Variants in NDUFA10 observed in about 807,000 individuals in gnomAD.
NDUFA10 encodes NADH dehydrogenase [ubiquinone] 1 alpha subcomplex subunit 10, mitochondrial.
NDUFA10 carries 40 observed loss-of-function variants against 47.8 expected under a neutral mutation model. The observed-to-expected ratio is 0.84, with a 90% CI of 0.65 to 1.09. The LOEUF (loss-of-function observed/expected upper bound fraction) is 1.09, where lower values mean the gene tolerates loss of function less well. Among genes scored for constraint, NDUFA10 ranks in the 50% least tolerant of loss-of-function variants. NDUFA10 has a pLI of 0.00. For synonymous variants in NDUFA10, 183 were observed against 172.2 expected (o/e 1.06, Z -0.49); for missense variants, 413 against 451.1 (o/e 0.92, Z 0.76).
intron 4 of NDUFA10, among the ~76,000 whole-genome samples, chr2:239,925,642 C>T (rs1270066109): frequency 2.0e-5 from 3 of 152,220 alleles, no homozygotes; most frequent in East Asian, 3.9e-4. Flanking sequence ...AGACTTGACT[C>T]GTAAAGTATT....
Position 239,906,380 on chromosome 2 carries a change from C to T in NDUFA10, c.295-11066G>A, listed in dbSNP as rs1693656447. ...GCCATTTTCTGGGATACTCAGGGCA[C>T]CTTCACCTCAGCACCCCAGCTGACC... On this transcript the variant is annotated intron_variant, in intron 4 of 5. Transcript: ENST00000419408. This position sits in a 1 kb window ranked among gnomAD's most constrained non-coding sequence, Gnocchi z 4.3. Among the ~76,000 whole-genome samples, 20 of 152,292 alleles carry T rather than the reference C, an allele frequency of 1.3e-4. No individual in the cohort carries two copies. The South Asian group carries it at 3.9e-3, about 30-fold the overall frequency.
intron 4 of NDUFA10, among the ~76,000 whole-genome samples, chr2:239,933,729 A>G (rs1000305169): frequency 1.3e-5 from 2 of 152,080 alleles, no homozygotes; most frequent in African/African-American, 2.4e-5. Context: ...AAGGAATGAT[A>G]TGTAGGGCCC....
chr2:239,929,554 C>T (rs1426021921), intron 4 of NDUFA10, among the ~76,000 whole-genome samples: 1 of 152,116 alleles, frequency 6.6e-6, no homozygotes, highest in African/African-American at 2.4e-5. Context: ...CCGGGAAGTG[C>T]GGCAGCCCTT....
chr2:239,909,426 C>T (rs1693711114), intron 4 of NDUFA10, among the ~76,000 whole-genome samples: 1 of 152,170 alleles, frequency 6.6e-6, no homozygotes, highest in African/African-American at 2.4e-5. Context: ...GTCTGGCCAA[C>T]ATAGTGAAAC....
Position 240,025,322 on chromosome 2 carries a change from A to T in NDUFA10, c.-21T>A, listed in dbSNP as rs1038402461. ...GCCATGGCTACCCGGTCAGCTCAGG[A>T]TCAAGGACCCAAGGGGACGCGGTCG... On this transcript the variant is annotated 5_prime_UTR_variant, in exon 1 of 10. Coordinates refer to ENST00000252711, the MANE Select transcript of NDUFA10 (RefSeq NM_004544.4). 1.1e-5 allele frequency: 17 copies of T among 1,492,728 alleles called. No individual in the cohort carries two copies. Among genetic ancestry groups the T allele is most frequent in the Middle Eastern group, 2.3e-4 (1 of 4,394 alleles). The allele number at this position is 1,492,728 out of a possible 1,614,324, so 92.5% of individuals were successfully genotyped here.
intron 9 of NDUFA10, among the ~76,000 whole-genome samples, chr2:239,968,290 A>G (rs963829600): frequency 6.6e-6 from 1 of 152,308 alleles, no homozygotes; most frequent in East Asian, 1.9e-4. Context: ...GAGGCAGCAA[A>G]TGCACGCAAT....
rs1327391546 is a variant in NDUFA10 at position 239,959,949 on chromosome 2, A to G, written c.*1169T>C. 14 of 985,394 alleles carry G rather than the reference A, an allele frequency of 1.4e-5. No homozygotes were observed. Among genetic ancestry groups the G allele is most frequent in the Non-Finnish European group, 1.7e-5 (14 of 829,956 alleles). 61.0% of individuals were successfully genotyped at this position (985,394 alleles called of 1,614,324 possible). A position where few individuals can be genotyped will look rare whatever the true frequency, so the allele number is the denominator to read the frequency against. On this transcript the variant is annotated 3_prime_UTR_variant, in exon 10 of 10. Coordinates refer to ENST00000252711, the MANE Select transcript of NDUFA10 (RefSeq NM_004544.4). ...GCCTGGTAGAGCTTCCGCGGGGAGC[A>G]GAGCATCGTCCTCTGCACCAGCACT...
At chr2:239,949,952 T>C (rs1433133435) in intron 4 of NDUFA10, among the ~76,000 whole-genome samples, 1 of 152,190 alleles carries the variant, frequency 6.6e-6, no homozygotes, top group African/African-American at 2.4e-5. Context: ...AGGAGAGCCC[T>C]GACTGAGCCT....
intron 4 of NDUFA10, among the ~76,000 whole-genome samples, chr2:239,899,348 GGTGTGATGGAGGA>G (rs1224685030): frequency 8.9e-5 from 8 of 89,770 alleles, no homozygotes; most frequent in South Asian, 5.5e-4. Context: ...GTAAAGGAGG[GGTGTGATGGAGGA>G]GTGTGATGGA....
rs1034997371 is a variant in NDUFA10 at position 239,906,348 on chromosome 2, C to T, written c.295-11034G>A. Reference sequence around the variant, plus strand: ...GCACTGACCACGCCCTGTTGATAGACGCCGAGGCCATTTTCTGGGATACTC... The same window carrying T: ...GCACTGACCACGCCCTGTTGATAGATGCCGAGGCCATTTTCTGGGATACTC... On this transcript the variant is annotated intron_variant, in intron 4 of 5. Transcript: ENST00000419408. This position sits in a 1 kb window ranked among gnomAD's most constrained non-coding sequence, Gnocchi z 4.3. 6.6e-5 allele frequency among the ~76,000 whole-genome samples: 10 copies of T among 152,140 alleles called. No homozygotes were observed. The highest frequency in any genetic ancestry group is 1.7e-4 in the African/African-American group (7 of 41,428).
chr2:239,971,502 G>A (rs2106409181), intron 9 of NDUFA10, among the ~76,000 whole-genome samples: 1 of 152,318 alleles, frequency 6.6e-6, no homozygotes, highest in East Asian at 1.9e-4. Context: ...TCATCACAAA[G>A]TTATGTCCAA....
chr2:239,898,408 A>T (rs1364662050), intron 4 of NDUFA10, among the ~76,000 whole-genome samples: 2 of 152,182 alleles, frequency 1.3e-5, no homozygotes, highest in African/African-American at 4.8e-5. Flanking sequence ...GGTGGCCCCG[A>T]GGGAGCTGCC....
intron 8 of NDUFA10, among the ~76,000 whole-genome samples, chr2:239,995,260 A>C (rs1049366988): frequency 6.6e-6 from 1 of 152,044 alleles, no homozygotes; most frequent in Non-Finnish European, 1.5e-5. Flanking sequence ...TGGGCAACAG[A>C]GCAAGACCCT....
At chr2:239,981,804 T>G (rs1023976466) in intron 9 of NDUFA10, among the ~76,000 whole-genome samples, 1 of 152,130 alleles carries the variant, frequency 6.6e-6, no homozygotes, top group Admixed American at 6.5e-5. Flanking sequence ...TTATAAGGCA[T>G]AGTTTTAGTA....
Position 239,947,556 on chromosome 2 carries a change from G to A in NDUFA10, c.294+42518C>T, listed in dbSNP as rs111903929. ...CCGCCCTCTCTGCGCACCAGACACA[G>A]ACAGGGACGGCTCCTGACTCTCTGA... On this transcript the variant is annotated intron_variant, in intron 4 of 5. Coordinates refer to the NDUFA10 transcript ENST00000419408. Among the ~76,000 whole-genome samples, 700 of 152,188 alleles carry A rather than the reference G, an allele frequency of 4.6e-3. 5 individuals are homozygous for A. Among genetic ancestry groups the A allele is most frequent in the African/African-American group, 0.016 (670 of 41,522 alleles).
intron 3 of NDUFA10, among the ~76,000 whole-genome samples, chr2:240,020,085 C>T (rs962000011): frequency 7.9e-5 from 12 of 151,324 alleles, no homozygotes; most frequent in East Asian, 2.0e-4. Flanking sequence ...TGTGTAGATA[C>T]GTGTCATGGA....
At chr2:239,910,694 C>T (rs558710627) in intron 4 of NDUFA10, among the ~76,000 whole-genome samples, 30 of 152,100 alleles carry the variant, frequency 2.0e-4, no homozygotes, top group Middle Eastern at 3.4e-3. Context: ...CCACACGCCC[C>T]GCACCTGTAC....
chr2:239,955,224 CTG>C (rs1333923329), downstream of NDUFA10, among the ~76,000 whole-genome samples: 1 of 152,138 alleles, frequency 6.6e-6, no homozygotes, highest in African/African-American at 2.4e-5. Context: ...CCTCTTAACA[CTG>C]GGGCGGGGGG....
rs530657179 is a variant in NDUFA10 at position 239,999,666 on chromosome 2, G to A, written c.890+5544C>T. ...TGCTCTTTATCAATGGTTCCTTTAC[G>A]TAACTCTCTTCTGTTCTCTGGTCAA... On this transcript the variant is annotated intron_variant, in intron 8 of 9. Transcript: ENST00000252711. Among the ~76,000 whole-genome samples the A allele has an allele frequency of 2.6e-5, 4 of 152,258 alleles. No homozygotes were observed. In the East Asian group the frequency reaches 5.8e-4, roughly 22 times the overall value.
Sources: allele counts gnomAD v4.1 joint callset (sites outside exome capture counted in the v4.1 genomes callset), GRCh38; gene constraint gnomAD v4.1.1; non-coding constraint Gnocchi (gnomAD v3.1); transcripts MANE v1.5; gene names NCBI Gene and HGNC (gene_info 2026-07-23, HGNC 2026-07-21).